The following KCNAB1 variants were observed in gnomAD, a reference collection of about 807,000 sequenced individuals.
KCNAB1 encodes the protein potassium voltage-gated channel subfamily A regulatory beta subunit 1.
Under a neutral mutation model 64.6 loss-of-function variants are expected in KCNAB1, and 35 were observed. The observed-to-expected ratio is 0.54, with a 90% CI of 0.41 to 0.72. KCNAB1 has a LOEUF of 0.72. KCNAB1 is among the 30% of genes least tolerant of loss of function. KCNAB1 has a pLI of 0.00. For missense variants in KCNAB1, 401 were observed against 512.9 expected (o/e 0.78, Z 2.11); for synonymous variants, 177 against 183.8 (o/e 0.96, Z 0.30).
intron 8 of KCNAB1, among the ~76,000 whole-genome samples, chr3:156,511,172 C>T (rs1037815662): frequency 6.6e-6 from 1 of 152,018 alleles, no homozygotes; most frequent in African/African-American, 2.4e-5. Context: ...GGCGTGATCT[C>T]GGCTTACTGC....
intron 1 of KCNAB1, among the ~76,000 whole-genome samples, chr3:156,373,223 G>A (rs866106760): frequency 3.4e-4 from 52 of 152,258 alleles, no homozygotes; most frequent in African/African-American, 1.2e-3. Context: ...CAACACAACA[G>A]GGCAAATCCA....
At chr3:156,294,335 T>C (rs1318704644) in intron 1 of KCNAB1, among the ~76,000 whole-genome samples, 1 of 152,194 alleles carries the variant, frequency 6.6e-6, no homozygotes, top group East Asian at 1.9e-4. Context: ...GTGCTCATGT[T>C]CCAAGCCACT....
chr3:156,464,951 C>T (rs911971859), intron 6 of KCNAB1, among the ~76,000 whole-genome samples: 1 of 151,842 alleles, frequency 6.6e-6, no homozygotes, highest in Non-Finnish European at 1.5e-5. Context: ...ATTAAGAATA[C>T]CAAATAAGAA....
chr3:156,531,558 A>C, intron 13 of KCNAB1, 61 bp downstream of exon 13: 1 of 1,233,428 alleles, frequency 8.1e-7, no homozygotes, highest in Admixed American at 1.7e-5. Flanking sequence ...GGCTATCTCC[A>C]GGCAGTGTCC....
intron 1 of KCNAB1, among the ~76,000 whole-genome samples, chr3:156,331,142 C>A (rs1481250784): frequency 3.9e-5 from 6 of 152,224 alleles, no homozygotes; most frequent in Non-Finnish European, 8.8e-5. Context: ...CTCCTAGGAC[C>A]CTTGAAGTGA....
chr3:156,188,932 C>T (rs924968516), intron 1 of KCNAB1, among the ~76,000 whole-genome samples: 6 of 152,122 alleles, frequency 3.9e-5, no homozygotes, highest in African/African-American at 1.4e-4. Flanking sequence ...AAGGGTGAGT[C>T]GTGGTGGGCC....
At chr3:156,513,365 T>C (rs1717346663) in intron 8 of KCNAB1, among the ~76,000 whole-genome samples, 1 of 152,084 alleles carries the variant, frequency 6.6e-6, no homozygotes, top group African/African-American at 2.4e-5. Flanking sequence ...AAAAAATACA[T>C]CTACTGCAAC....
At chr3:156,246,085 C>T (rs949094053) in intron 1 of KCNAB1, among the ~76,000 whole-genome samples, 4 of 152,122 alleles carry the variant, frequency 2.6e-5, no homozygotes, top group South Asian at 2.1e-4. Context: ...CAACAGCATG[C>T]GTAAATAGAG....
At chr3:156,358,389 T>C (rs759951867) in intron 1 of KCNAB1, among the ~76,000 whole-genome samples, 2 of 152,116 alleles carry the variant, frequency 1.3e-5, no homozygotes, top group Non-Finnish European at 2.9e-5. Flanking sequence ...AGGGAGGAAT[T>C]GTGCTCTGAG....
chr3:156,504,206 A>C (rs552194091), intron 8 of KCNAB1, among the ~76,000 whole-genome samples: 1 of 152,272 alleles, frequency 6.6e-6, no homozygotes, highest in East Asian at 1.9e-4. Context: ...TATAATGTCC[A>C]CCAGGCTTAT....
intron 1 of KCNAB1, among the ~76,000 whole-genome samples, chr3:156,355,839 G>A (rs1725195171): frequency 6.6e-6 from 1 of 152,118 alleles, no homozygotes; most frequent in Admixed American, 6.5e-5. Context: ...CCCGAGGGCT[G>A]GCCATGGTGG....
At chr3:156,495,093 G>A (rs550173702) in intron 8 of KCNAB1, among the ~76,000 whole-genome samples, 14 of 152,088 alleles carry the variant, frequency 9.2e-5, no homozygotes, top group African/African-American at 2.7e-4. Flanking sequence ...TCATCATTCG[G>A]CTCCCACTTA....
At chr3:156,190,196 T>G (rs1385087883) in intron 1 of KCNAB1, among the ~76,000 whole-genome samples, 1 of 152,166 alleles carries the variant, frequency 6.6e-6, no homozygotes, top group East Asian at 1.9e-4. Flanking sequence ...TGAAAGTAAC[T>G]TTCCTTCCGC....
At chr3:156,503,264 C>T (rs2108371038) in intron 8 of KCNAB1, among the ~76,000 whole-genome samples, 2 of 152,260 alleles carry the variant, frequency 1.3e-5, no homozygotes, top group Middle Eastern at 6.8e-3. Flanking sequence ...AGCATGTCAG[C>T]AGGCAGTGGT....
At chr3:156,183,582 C>CTAG (rs1183996577) in intron 1 of KCNAB1, among the ~76,000 whole-genome samples, 7 of 152,200 alleles carry the variant, frequency 4.6e-5, no homozygotes, top group African/African-American at 7.2e-5. Context: ...AGCAGCTCAC[C>CTAG]TAGTAGCCAG....
intron 12 of KCNAB1, among the ~76,000 whole-genome samples, chr3:156,529,804 T>A (rs1340868340): frequency 6.6e-6 from 1 of 152,218 alleles, no homozygotes; most frequent in East Asian, 1.9e-4. Context: ...TTGCTGGTGA[T>A]GCCCCCAAAT....
At chr3:156,441,442 A>G (rs1348535278) in intron 2 of KCNAB1, 1 of 152,204 alleles carries the variant, frequency 6.6e-6, no homozygotes, top group Non-Finnish European at 1.5e-5. Context: ...TGGAAAACCA[A>G]AAGATAAATA....
At chr3:156,398,630 G>A (rs1320539042) in intron 1 of KCNAB1, among the ~76,000 whole-genome samples, 1 of 150,940 alleles carries the variant, frequency 6.6e-6, no homozygotes, top group Non-Finnish European at 1.5e-5. Flanking sequence ...GGGTTGATAG[G>A]TGCAGCAAAC....
chr3:156,185,013 C>T (rs1480025722), intron 1 of KCNAB1, among the ~76,000 whole-genome samples: 1 of 152,136 alleles, frequency 6.6e-6, no homozygotes, highest in African/African-American at 2.4e-5. Context: ...ATAGAGGAAA[C>T]AAAAACTCAG....
Sources: gnomAD v4.1 joint callset for allele counts (sites outside exome capture counted in the v4.1 genomes callset) on GRCh38, gnomAD v4.1.1 for gene constraint, MANE v1.5 for transcripts, NCBI Gene and HGNC (gene_info 2026-07-23, HGNC 2026-07-21) for gene names.